Variants in SHISA9 observed in about 807,000 individuals in gnomAD.
The protein encoded by SHISA9 is protein shisa-9.
A neutral mutation model predicts 38.0 loss-of-function variants in SHISA9; 13 were observed. That is an observed-to-expected ratio of 0.34 (90% CI 0.22 to 0.54). The LOEUF is 0.54. Ranked by LOEUF, SHISA9 falls within the 20% of genes least tolerant of loss-of-function variation. The probability of loss-of-function intolerance (pLI) is 0.91; values close to 1 mark genes in which losing one functional copy is unlikely to be tolerated. For missense variants in SHISA9, 538 were observed against 575.8 expected (o/e 0.93, Z 0.67); for synonymous variants, 275 against 242.0 (o/e 1.14, Z -1.27).
intron 2 of SHISA9, among the ~76,000 whole-genome samples, chr16:12,918,043 T>C (rs1005233554): frequency 6.6e-6 from 1 of 152,186 alleles, no homozygotes; most frequent in Non-Finnish European, 1.5e-5. Flanking sequence ...GTTTGAAAAA[T>C]AGGCCACCAA....
the SHISA9 span, among the ~76,000 whole-genome samples, chr16:13,537,500 G>A: frequency 6.6e-6 from 1 of 152,026 alleles, no homozygotes; most frequent in African/African-American, 2.4e-5. Context: ...TTATAGGGGT[G>A]TAAGGATTTG....
chr16:13,032,364 T>C (rs1162685206), intron 2 of SHISA9, among the ~76,000 whole-genome samples: 1 of 152,156 alleles, frequency 6.6e-6, no homozygotes, highest in African/African-American at 2.4e-5. Context: ...TCTTCTTTCT[T>C]AGGGCTGCAT....
rs570005755 is a variant in SHISA9 at position 13,064,788 on chromosome 16, A to G, written c.692-138606A>G. Among the ~76,000 whole-genome samples, 97 of 120,394 alleles carry G rather than the reference A, an allele frequency of 8.1e-4. No homozygotes were observed. The South Asian group carries it at 0.024, about 30-fold the overall frequency. 79.0% of individuals were successfully genotyped at this position (120,394 alleles called of 152,430 possible). A position where few individuals can be genotyped will look rare whatever the true frequency, so the allele number is the denominator to read the frequency against. On this transcript the variant is annotated intron_variant, in intron 2 of 4. Transcript: ENST00000558583. ...AACGAAATAAAAGTTGTAAGGCAAAAAAAAAAAAAAAAAGAAAAAAAGAGA... is the reference window on the plus strand; with the variant it reads ...AACGAAATAAAAGTTGTAAGGCAAAGAAAAAAAAAAAAAGAAAAAAAGAGA...
the SHISA9 span, among the ~76,000 whole-genome samples, chr16:13,414,902 G>A: frequency 6.6e-6 from 1 of 152,112 alleles, no homozygotes; most frequent in South Asian, 2.1e-4. Context: ...CAAAGTGCTG[G>A]GATTACAGGC....
intron 4 of SHISA9, among the ~76,000 whole-genome samples, chr16:13,225,526 C>T (rs936114129): frequency 3.3e-5 from 5 of 152,096 alleles, no homozygotes; most frequent in African/African-American, 7.2e-5. Flanking sequence ...TACCCTTGAG[C>T]GAAAGGCAGA....
chr16:13,179,677 G>A (rs2050761077), intron 2 of SHISA9, among the ~76,000 whole-genome samples: 2 of 152,170 alleles, frequency 1.3e-5, no homozygotes, highest in South Asian at 4.1e-4. Context: ...GAAAGGCAAA[G>A]GTTCTCTCCA....
chr16:12,924,371 C>T (rs1211264990), intron 2 of SHISA9, among the ~76,000 whole-genome samples: 1 of 152,262 alleles, frequency 6.6e-6, no homozygotes, highest in African/African-American at 2.4e-5. Flanking sequence ...GACTCTTTAG[C>T]ACAAACTTGA....
At chr16:12,916,571 T>C in intron 1 of SHISA9, 117 bp from the exon 2 acceptor site, 3 of 1,218,434 alleles carry the variant, frequency 2.5e-6, no homozygotes, top group Non-Finnish European at 2.2e-6. Flanking sequence ...CTAACTAGAA[T>C]GGTGGCTCCA....
the SHISA9 span, among the ~76,000 whole-genome samples, chr16:13,281,761 T>A: frequency 9.2e-5 from 14 of 151,706 alleles, no homozygotes; most frequent in African/African-American, 3.4e-4. Context: ...CACCAATTAA[T>A]GTACAATTTT....
At chr16:13,292,403 A>G in the SHISA9 span, among the ~76,000 whole-genome samples, 4 of 152,134 alleles carry the variant, frequency 2.6e-5, no homozygotes, top group South Asian at 2.1e-4. Context: ...CACCTCTTGA[A>G]ATAACCTTGC....
the SHISA9 span, among the ~76,000 whole-genome samples, chr16:13,420,043 C>A: frequency 2.6e-5 from 4 of 151,984 alleles, no homozygotes; most frequent in Admixed American, 2.6e-4. Context: ...GTCAGTAGTT[C>A]AAGACCAGGC....
the SHISA9 span, among the ~76,000 whole-genome samples, chr16:13,283,615 C>T: frequency 6.6e-6 from 1 of 151,930 alleles, no homozygotes; most frequent in Non-Finnish European, 1.5e-5. Context: ...TGGGGGAAAC[C>T]ACCCCCATGA....
chr16:13,228,785 A>T (rs1458548357), intron 4 of SHISA9, among the ~76,000 whole-genome samples: 1 of 152,058 alleles, frequency 6.6e-6, no homozygotes, highest in African/African-American at 2.4e-5. Context: ...TGTCGTACAG[A>T]TTATTTCATC....
chr16:13,469,741 TAC>T, the SHISA9 span, among the ~76,000 whole-genome samples: 1 of 150,590 alleles, frequency 6.6e-6, no homozygotes, highest in African/African-American at 2.4e-5. Flanking sequence ...AATCAGCCTC[TAC>T]AGGCTGACAC....
the SHISA9 span, among the ~76,000 whole-genome samples, chr16:13,400,381 CA>C: frequency 1.4e-5 from 2 of 145,146 alleles, no homozygotes; most frequent in African/African-American, 5.2e-5. Flanking sequence ...CACACACACA[CA>C]CATATTTCCT....
the SHISA9 span, among the ~76,000 whole-genome samples, chr16:13,369,046 A>G: frequency 6.6e-6 from 1 of 152,196 alleles, no homozygotes; most frequent in African/African-American, 2.4e-5. Flanking sequence ...TATTTATATA[A>G]TGGAACATTA....
chr16:13,071,236 G>A (rs2141922859), intron 2 of SHISA9, among the ~76,000 whole-genome samples: 1 of 152,294 alleles, frequency 6.6e-6, no homozygotes, highest in Non-Finnish European at 1.5e-5. Context: ...CATACGTACA[G>A]CCAGCCTGGT....
intron 2 of SHISA9, among the ~76,000 whole-genome samples, chr16:12,946,552 G>T (rs530715943): frequency 2.4e-4 from 36 of 152,330 alleles, no homozygotes; most frequent in Non-Finnish European, 4.3e-4. Flanking sequence ...GAGACAAGCT[G>T]CAGCTTGATA....
intron 2 of SHISA9, among the ~76,000 whole-genome samples, chr16:13,070,163 T>G (rs2073496116): frequency 6.7e-6 from 1 of 149,758 alleles, no homozygotes; most frequent in South Asian, 2.1e-4. Context: ...TGCACGCATG[T>G]GTCTGTGGAA....
Sources: gnomAD v4.1 joint callset for allele counts (sites outside exome capture counted in the v4.1 genomes callset) on GRCh38, gnomAD v4.1.1 for gene constraint, MANE v1.5 for transcripts, NCBI Gene and HGNC (gene_info 2026-07-23, HGNC 2026-07-21) for gene names.